Variants in PRDM15 observed in about 807,000 individuals in gnomAD.
The protein encoded by PRDM15 is PR/SET domain 15, also known as PR domain zinc finger protein 15.
In PRDM15, 64 loss-of-function variants were observed where a neutral mutation model predicts 128.6. That is an observed-to-expected ratio of 0.50 (90% CI 0.41 to 0.61). The LOEUF (loss-of-function observed/expected upper bound fraction) is 0.61, where lower values mean the gene tolerates loss of function less well. Ranked by LOEUF, PRDM15 falls within the 20% of genes least tolerant of loss-of-function variation. The pLI is 0.00. For synonymous variants in PRDM15, 615 were observed against 621.8 expected, an observed-to-expected ratio of 0.99 and a Z score of 0.16; for missense variants, 1,242 against 1,569.1, an observed-to-expected ratio of 0.79 and a Z score of 3.52.
At chr21:41,866,541 G>C (rs2064015333) in intron 1 of PRDM15, among the ~76,000 whole-genome samples, 1 of 152,220 alleles carries the variant, frequency 6.6e-6, no homozygotes, top group East Asian at 1.9e-4. Context: ...TGTGTATGGG[G>C]TTCCTGGTTC....
chr21:41,802,945 G>C, intron 22 of PRDM15, 24 bp from the exon 23 acceptor site: 1 of 1,605,568 alleles, frequency 6.2e-7, no homozygotes, highest in East Asian at 2.2e-5. Flanking sequence ...GGTTTCAGCC[G>C]AGAACCAGGT....
At chr21:41,815,969 G>A in intron 18 of PRDM15, 133 bp from the exon 19 acceptor site, 1 of 1,131,010 alleles carries the variant, frequency 8.8e-7, no homozygotes, top group East Asian at 2.5e-5. Context: ...GGCCCCCGAG[G>A]ATCCCGGTCA....
chr21:41,815,692 G>A lies in PRDM15; in HGVS notation c.2392+13C>T, dbSNP rs779499783. On this transcript the variant is annotated intron_variant, in intron 19 of 23. Transcript: ENST00000398548. ...GAGCGCCGTGGCTGGCGCGGCCCGG[G>A]CCTCGGACTCACCCGTGTGCCGCTT... 7 of 1,611,998 alleles carry A rather than the reference G, an allele frequency of 4.3e-6. No homozygotes were observed. In the East Asian group the frequency reaches 1.3e-4, roughly 31 times the overall value.
intron 1 of PRDM15, among the ~76,000 whole-genome samples, chr21:41,863,900 G>C (rs137985060): frequency 0.013 from 2,017 of 151,642 alleles, 59 homozygotes; most frequent in African/African-American, 0.047. Flanking sequence ...CTGGAGTGCA[G>C]TGGCGCGATC....
At chr21:41,820,578 G>A (rs2062221676) in intron 16 of PRDM15, among the ~76,000 whole-genome samples, 1 of 152,208 alleles carries the variant, frequency 6.6e-6, no homozygotes, top group African/African-American at 2.4e-5. Context: ...GTCAGAGGAG[G>A]CGGCCCTGCC....
At chr21:41,839,542 C>A in intron 7 of PRDM15, 81 bp downstream of exon 7, 4 of 1,170,106 alleles carry the variant, frequency 3.4e-6, no homozygotes, top group South Asian at 1.3e-5. Flanking sequence ...GCCCCGCCCT[C>A]TGCCCCCTGC....
intron 1 of PRDM15, among the ~76,000 whole-genome samples, chr21:41,866,242 G>A (rs1381336152): frequency 2.0e-5 from 3 of 152,220 alleles, no homozygotes; most frequent in African/African-American, 7.2e-5. Context: ...CACAAGTTAC[G>A]CCAAGAAAGT....
rs753646713 is a variant in PRDM15 at position 41,801,726 on chromosome 21, G to C, written c.2944-4C>G. 7 of 1,608,442 alleles carry C rather than the reference G, an allele frequency of 4.4e-6. No individual in the cohort carries two copies. Among genetic ancestry groups the C allele is most frequent in the Non-Finnish European group, 6.0e-6 (7 of 1,175,522 alleles). On this transcript the variant is annotated splice_polypyrimidine_tract_variant and splice_region_variant and intron_variant, in intron 23 of 23. Transcript: ENST00000398548. ...GGTCACCCAGGGTCACCACTACCTG[G>C]AAGATTCACACACAACAAAAATCCG...
intron 1 of PRDM15, among the ~76,000 whole-genome samples, chr21:41,864,167 G>A (rs749802201): frequency 9.9e-5 from 15 of 152,084 alleles, no homozygotes; most frequent in Non-Finnish European, 2.1e-4. Context: ...AGACAAAAGC[G>A]GATTGGATTT....
chr21:41,803,582 C>A (rs1348437098), intron 22 of PRDM15, among the ~76,000 whole-genome samples: 13 of 152,238 alleles, frequency 8.5e-5, no homozygotes, highest in Admixed American at 8.5e-4. Context: ...CCATTCCACA[C>A]AACCTGATCC....
At position 41,834,430 on chromosome 21, in the gene PRDM15, A is replaced by G. The variant is rs116180749; in HGVS notation, c.1366+1007T>C. The G allele has an allele frequency of 1.5e-3, 2,048 of 1,382,954 alleles. 34 individuals are homozygous for G. In the African/African-American group the frequency reaches 0.026, roughly 18 times the overall value. 85.7% of individuals were successfully genotyped at this position (1,382,954 alleles called of 1,614,324 possible). A position where few individuals can be genotyped will look rare whatever the true frequency, so the allele number is the denominator to read the frequency against. On this transcript the variant is annotated intron_variant, in intron 11 of 23. Coordinates refer to ENST00000398548, the MANE Select transcript of PRDM15 (RefSeq NM_001040424.3). ...CAACACAGGGGCGGGTGGCACCTTA[A>G]CAAGAACAACACAGAGATGCAAGTG...
At chr21:41,804,714 G>GC in intron 21 of PRDM15, 100 bp from the exon 22 acceptor site, 1 of 811,682 alleles carries the variant, frequency 1.2e-6, no homozygotes, top group South Asian at 1.8e-5. Flanking sequence ...CACCACTCCT[G>GC]CCCTTCCCTC....
Position 41,837,834 on chromosome 21 carries a change from G to C in PRDM15, c.1001+100C>G, listed in dbSNP as rs1601315224. 14 of 1,340,258 alleles carry C rather than the reference G, an allele frequency of 1.0e-5. No individual in the cohort carries two copies. The East Asian group carries it at 2.8e-4, about 27-fold the overall frequency. The allele number at this position is 1,340,258 out of a possible 1,614,324, so 83.0% of individuals were successfully genotyped here. ...CAGGTCTGTTTCCATCTCCTTCCCT[G>C]GGGCTTTCCTGCTGGGAAGGTGCCT... On this transcript the variant is annotated intron_variant, in intron 8 of 23. Coordinates refer to ENST00000398548, the MANE Select transcript of PRDM15 (RefSeq NM_001040424.3).
In PRDM15 at chr21:41,800,458, T is replaced by G. The variant is rs1601710257; in HGVS notation, c.*782A>C. On this transcript the variant is annotated 3_prime_UTR_variant, in exon 24 of 24. Transcript: ENST00000398548. ...GTTAACATAAAACTAAAACACAATATTGGCCATAACAGTCTTGAACACATA... is the reference window on the plus strand; with the variant it reads ...GTTAACATAAAACTAAAACACAATAGTGGCCATAACAGTCTTGAACACATA... The G allele has an allele frequency of 6.6e-6, 1 of 151,950 alleles. No individual in the cohort carries two copies. Among genetic ancestry groups the G allele is most frequent in the Admixed American group, 6.6e-5 (1 of 15,226 alleles). 9.4% of individuals were successfully genotyped at this position (151,950 alleles called of 1,614,324 possible).
In PRDM15 at chr21:41,819,691, G is replaced by C. The variant is rs764880857; in HGVS notation, c.2151C>G (p.Ser717Arg). 1.2e-6 allele frequency: 2 copies of C among 1,601,850 alleles called. No individual in the cohort carries two copies. Among genetic ancestry groups the C allele is most frequent in the South Asian group, 2.2e-5 (2 of 89,716 alleles). ...RHKLIHTGVK[S>R]HACEQCGKSF... ...ACTTCCCACACTGCTCGCAGGCGTG[G>C]CTCTTCACACCTGAGAACACAGGCA... The change falls in exon 18 of 24, where the codon AGC (serine) becomes AGG (arginine). Residue 717 changes from serine (S) to arginine (R), a missense_variant. Physicochemically the swap from Ser to Arg is moderately radical, Grantham distance 110. Around this residue, in one of 3 missense-constraint regions of PRDM15, gnomAD observed 602 missense variants for 788.3 expected, o/e 0.76. Transcript: ENST00000398548.
chr21:41,825,394 G>C (rs2062432724), intron 13 of PRDM15, among the ~76,000 whole-genome samples: 2 of 94,066 alleles, frequency 2.1e-5, no homozygotes, highest in Admixed American at 2.4e-4. Context: ...CTAGTGCCAG[G>C]ATGGCCCCCT....
intron 5 of PRDM15, among the ~76,000 whole-genome samples, chr21:41,851,967 G>A (rs1164817892): frequency 1.3e-5 from 2 of 152,180 alleles, no homozygotes; most frequent in Non-Finnish European, 2.9e-5. Context: ...TACACAGACT[G>A]TCCTGGTAGA....
intron 18 of PRDM15, 69 bp downstream of exon 18, chr21:41,819,513 C>A: frequency 1.6e-6 from 2 of 1,273,584 alleles, no homozygotes; most frequent in South Asian, 2.4e-5. Flanking sequence ...TCGCTCATGT[C>A]CCCTTCCAGC....
rs538537837 is a variant in PRDM15, at chr21:41,816,781, C to T, written c.2261-945G>A. The stretch of plus-strand genomic sequence containing the variant: ...AAGGCCCCACGATGAAGCCCGCTGC[C>T]TGCACACACAGCTGCACAACTCCTG... On this transcript the variant is annotated intron_variant, in intron 18 of 23. Transcript: ENST00000398548. 2.1e-3 allele frequency among the ~76,000 whole-genome samples: 319 copies of T among 152,256 alleles called. 2 individuals are homozygous for T. Among genetic ancestry groups the T allele is most frequent in the African/African-American group, 7.5e-3 (310 of 41,532 alleles).
Sources: allele counts gnomAD v4.1 joint callset (sites outside exome capture counted in the v4.1 genomes callset), GRCh38; gene constraint gnomAD v4.1.1; regional missense constraint gnomAD v4.1.1; transcripts MANE v1.5; gene names NCBI Gene and HGNC (gene_info 2026-07-23, HGNC 2026-07-21).